The following CNTNAP2 variants were observed in gnomAD, a reference collection of about 807,000 sequenced individuals.
The protein encoded by CNTNAP2 is contactin associated protein 2.
Under a neutral mutation model 155.2 loss-of-function variants are expected in CNTNAP2, and 98 were observed. That is an observed-to-expected ratio of 0.63 (90% CI 0.54 to 0.75). The LOEUF (loss-of-function observed/expected upper bound fraction) is 0.75, where lower values mean the gene tolerates loss of function less well. Among genes scored for constraint, CNTNAP2 ranks in the 30% least tolerant of loss-of-function variants. The pLI is 0.00. For synonymous variants in CNTNAP2, 651 were observed against 631.2 expected (o/e 1.03, Z -0.47); for missense variants, 1,727 against 1,688.1 (o/e 1.02, Z -0.40).
At chr7:146,929,474 C>T (rs1796695411) in intron 3 of CNTNAP2, among the ~76,000 whole-genome samples, 1 of 152,124 alleles carries the variant, frequency 6.6e-6, no homozygotes, top group African/African-American at 2.4e-5. Context: ...GTAGATAAAA[C>T]CACAAAGATG....
intron 22 of CNTNAP2, among the ~76,000 whole-genome samples, chr7:148,393,948 TA>T (rs1307962388): frequency 6.6e-6 from 1 of 151,900 alleles, no homozygotes; most frequent in Non-Finnish European, 1.5e-5. Context: ...TAAGTATTCT[TA>T]ATATATTAAG....
In CNTNAP2 at chr7:147,552,364, A is replaced by G. The variant is rs189099673; in HGVS notation, c.1778-9774A>G. Among the ~76,000 whole-genome samples the G allele has an allele frequency of 5.0e-3, 759 of 152,340 alleles. 25 individuals carry two copies. The highest frequency in any genetic ancestry group is 0.044 in the Admixed American group (670 of 15,292). On this transcript the variant is annotated intron_variant, in intron 11 of 23. Transcript: ENST00000361727. ...CCTCATTCATTGAATTCCATAAATTACAGTAAAACATTTTAAAGCTGTAAA... is the reference window on the plus strand; with the variant it reads ...CCTCATTCATTGAATTCCATAAATTGCAGTAAAACATTTTAAAGCTGTAAA...
At chr7:147,620,495 A>G (rs962541198) in intron 12 of CNTNAP2, among the ~76,000 whole-genome samples, 4 of 150,270 alleles carry the variant, frequency 2.7e-5, no homozygotes, top group Non-Finnish European at 4.4e-5. Context: ...ATAATTATAT[A>G]TTAATTAAAA....
At chr7:147,562,111 T>A (rs1800074856) in intron 11 of CNTNAP2, 27 bp from the exon 12 acceptor site, 1 of 1,613,664 alleles carries the variant, frequency 6.2e-7, no homozygotes, top group Non-Finnish European at 8.5e-7. Flanking sequence ...TGTGCTGTGC[T>A]TATGTAGGAT....
intron 20 of CNTNAP2, chr7:148,263,045 C>T (rs1049459638): frequency 2.0e-5 from 3 of 152,244 alleles, no homozygotes. Flanking sequence ...TTCTTAGACA[C>T]AAGGCAGGCA....
At chr7:148,390,689 T>C (rs1315261227) in intron 22 of CNTNAP2, among the ~76,000 whole-genome samples, 1 of 152,234 alleles carries the variant, frequency 6.6e-6, no homozygotes, top group Non-Finnish European at 1.5e-5. Flanking sequence ...GTCTTTCTAC[T>C]GTCTGAGATC....
At chr7:147,634,685 A>G (rs1001348585) in intron 12 of CNTNAP2, among the ~76,000 whole-genome samples, 23 of 152,230 alleles carry the variant, frequency 1.5e-4, no homozygotes, top group Admixed American at 1.5e-3. Context: ...ATAGATACAT[A>G]CGTGCATGTG....
Position 147,510,850 on chromosome 7 carries a change from C to CATATATATATATGTATAT in CNTNAP2, c.1777+24821_1777+24822insGTATATATATATATATAT, listed in dbSNP as rs1554400052. 5.2e-5 allele frequency among the ~76,000 whole-genome samples: 4 copies of CATATATATATATGTATAT among 76,436 alleles called. No individual in the cohort carries two copies. In the East Asian group the frequency reaches 1.4e-3, roughly 27 times the overall value. The allele number at this position is 76,436 out of a possible 152,430, so 50.1% of individuals were successfully genotyped here. A position where few individuals can be genotyped will look rare whatever the true frequency, so the allele number is the denominator to read the frequency against. On this transcript the variant is annotated intron_variant, in intron 11 of 23. Coordinates refer to ENST00000361727, the MANE Select transcript of CNTNAP2 (RefSeq NM_014141.6). ...AGTGCTCCTGTGATGGGCCTACAAC[C>CATATATATATATGTATAT]ATATATATATATATATATATAATGC...
rs542488609 is a variant in CNTNAP2 at position 146,994,463 on chromosome 7, G to A, written c.403-49444G>A. ...ATGATGATTAGGAAAGCAATTTTTC[G>A]AGCTATATACAATTTAAATTTTATA... On this transcript the variant is annotated intron_variant, in intron 3 of 23. Coordinates refer to ENST00000361727, the MANE Select transcript of CNTNAP2 (RefSeq NM_014141.6). Among the ~76,000 whole-genome samples, 4 of 152,140 alleles carry A rather than the reference G, an allele frequency of 2.6e-5. No individual in the cohort carries two copies. The South Asian group carries it at 6.2e-4, about 24-fold the overall frequency.
chr7:148,094,627 A>C (rs1803923292), intron 15 of CNTNAP2, among the ~76,000 whole-genome samples: 3 of 152,228 alleles, frequency 2.0e-5, no homozygotes, highest in Admixed American at 2.0e-4. Flanking sequence ...TGGAATTGAC[A>C]GAATTTGGCA....
At chr7:146,313,588 C>A (rs1800862005) in intron 1 of CNTNAP2, among the ~76,000 whole-genome samples, 1 of 152,100 alleles carries the variant, frequency 6.6e-6, no homozygotes, top group African/African-American at 2.4e-5. Context: ...CTGCCTGTGC[C>A]TTTGGAGTTC....
At chr7:146,249,737 C>T (rs1799725891) in intron 1 of CNTNAP2, among the ~76,000 whole-genome samples, 1 of 152,074 alleles carries the variant, frequency 6.6e-6, no homozygotes, top group African/African-American at 2.4e-5. Flanking sequence ...ATTACGCTGT[C>T]ATCACTGAAC....
chr7:147,956,326 G>T (rs931251648), intron 14 of CNTNAP2, among the ~76,000 whole-genome samples: 5 of 149,684 alleles, frequency 3.3e-5, no homozygotes, highest in Non-Finnish European at 7.4e-5. Context: ...CTATCAGTGA[G>T]ATAAGCACAT....
intron 21 of CNTNAP2, among the ~76,000 whole-genome samples, chr7:148,292,085 G>A (rs1797200016): frequency 6.6e-6 from 1 of 152,158 alleles, no homozygotes; most frequent in Non-Finnish European, 1.5e-5. Flanking sequence ...CTAGAACCAG[G>A]AAACCCCAAA....
chr7:146,932,097 A>G (rs1796773267), intron 3 of CNTNAP2, among the ~76,000 whole-genome samples: 1 of 151,858 alleles, frequency 6.6e-6, no homozygotes, highest in Non-Finnish European at 1.5e-5. Context: ...TGAGGCCAGC[A>G]TCATCCTGAT....
intron 8 of CNTNAP2, among the ~76,000 whole-genome samples, chr7:147,213,703 G>T (rs977653752): frequency 2.0e-4 from 31 of 152,158 alleles, no homozygotes; most frequent in African/African-American, 7.2e-4. Flanking sequence ...GCAAAGTCCC[G>T]TGATAGGTTG....
At chr7:147,434,721 G>A (rs750451298) in intron 10 of CNTNAP2, among the ~76,000 whole-genome samples, 2 of 152,190 alleles carry the variant, frequency 1.3e-5, no homozygotes, top group Non-Finnish European at 2.9e-5. Context: ...GGTTTCTTTA[G>A]TGTTCTGTAG....
intron 3 of CNTNAP2, among the ~76,000 whole-genome samples, chr7:146,875,964 A>G (rs1475724754): frequency 6.7e-6 from 1 of 149,494 alleles, no homozygotes; most frequent in Non-Finnish European, 1.5e-5. Flanking sequence ...AAAAAAAACA[A>G]AAAACAAAAA....
chr7:147,548,155 G>C (rs1278369706), intron 11 of CNTNAP2, among the ~76,000 whole-genome samples: 1 of 152,176 alleles, frequency 6.6e-6, no homozygotes, highest in African/African-American at 2.4e-5. Flanking sequence ...GGTGTTTCTG[G>C]TTCTAGATCC....
Sources: gnomAD v4.1 joint callset for allele counts (sites outside exome capture counted in the v4.1 genomes callset) on GRCh38, gnomAD v4.1.1 for gene constraint, MANE v1.5 for transcripts, NCBI Gene and HGNC (gene_info 2026-07-23, HGNC 2026-07-21) for gene names.